The following METTL25 variants were observed in gnomAD, a reference collection of about 807,000 sequenced individuals.
METTL25 encodes methyltransferase like 25.
A neutral mutation model predicts 71.6 loss-of-function variants in METTL25; 64 were observed. The observed-to-expected ratio is 0.89, with a 90% CI of 0.73 to 1.10. METTL25 has a LOEUF of 1.10. Among genes scored for constraint, METTL25 ranks in the 50% least tolerant of loss-of-function variants. The pLI is 0.00. For synonymous variants in METTL25, 287 were observed against 250.3 expected (o/e 1.15, Z -1.38); for missense variants, 807 against 707.0 (o/e 1.14, Z -1.60).
At chr12:82,401,249 T>A (rs554781950) in intron 4 of METTL25, among the ~76,000 whole-genome samples, 1 of 152,172 alleles carries the variant, frequency 6.6e-6, no homozygotes, top group Admixed American at 6.5e-5. Flanking sequence ...TAAAATAATT[T>A]TTAAAAATGT....
At chr12:82,473,888 G>T (rs1441365222) in intron 9 of METTL25, among the ~76,000 whole-genome samples, 2 of 152,152 alleles carry the variant, frequency 1.3e-5, no homozygotes, top group Non-Finnish European at 1.5e-5. Flanking sequence ...GGTTGTGGCA[G>T]TCAGCCACCC....
intron 8 of METTL25, among the ~76,000 whole-genome samples, chr12:82,447,585 TAAGTA>T (rs1432812145): frequency 1.3e-5 from 2 of 149,972 alleles, no homozygotes; most frequent in African/African-American, 4.8e-5. Flanking sequence ...AAGAACAACA[TAAGTA>T]AGGTAAACAC....
chr12:82,455,639 A>G (rs1358489336), intron 8 of METTL25, among the ~76,000 whole-genome samples: 1 of 152,052 alleles, frequency 6.6e-6, no homozygotes, highest in South Asian at 2.1e-4. Flanking sequence ...TGCATGAGCA[A>G]ATGTACCAAG....
At chr12:82,389,228 G>C (rs1470010502) in intron 2 of METTL25, among the ~76,000 whole-genome samples, 2 of 152,094 alleles carry the variant, frequency 1.3e-5, no homozygotes, top group Non-Finnish European at 2.9e-5. Flanking sequence ...CAGTACAGTA[G>C]AAACTAGCCA....
intron 5 of METTL25, among the ~76,000 whole-genome samples, chr12:82,407,317 CT>C (rs1360291021): frequency 1.3e-5 from 2 of 152,086 alleles, no homozygotes; most frequent in Non-Finnish European, 2.9e-5. Context: ...GTTTTGTCTT[CT>C]CTTCTGAAGT....
rs188488076 is a variant in METTL25 at position 82,425,683 on chromosome 12, A to T, written c.1280-5210A>T. Among the ~76,000 whole-genome samples the T allele has an allele frequency of 5.1e-4, 78 of 152,250 alleles. 1 individual carries two copies. The East Asian group carries it at 9.1e-3, about 18-fold the overall frequency. The stretch of plus-strand genomic sequence containing the variant: ...AAAGGATGGGCAAAAAGACCAAAAC[A>T]AAGCGACTAAAGATTTAATGAGTAG... On this transcript the variant is annotated intron_variant, in intron 5 of 11. Transcript: ENST00000248306.
intron 8 of METTL25, among the ~76,000 whole-genome samples, chr12:82,448,331 A>G (rs568603693): frequency 6.6e-5 from 10 of 152,030 alleles, no homozygotes; most frequent in Non-Finnish European, 1.2e-4. Context: ...TAAGGATAAC[A>G]TTTTAACTTT....
intron 1 of METTL25, among the ~76,000 whole-genome samples, chr12:82,373,655 C>T (rs899190975): frequency 1.3e-5 from 2 of 152,162 alleles, no homozygotes; most frequent in African/African-American, 2.4e-5. Flanking sequence ...TTGAGAGTTC[C>T]ACTCATGGCT....
intron 3 of METTL25, among the ~76,000 whole-genome samples, chr12:82,393,192 G>T (rs1353988005): frequency 1.3e-5 from 2 of 151,918 alleles, no homozygotes; most frequent in East Asian, 3.9e-4. Context: ...AATAGGGATT[G>T]CACTGAATCT....
At chr12:82,422,548 C>T (rs1304888779) in intron 5 of METTL25, among the ~76,000 whole-genome samples, 2 of 152,138 alleles carry the variant, frequency 1.3e-5, no homozygotes, top group East Asian at 3.9e-4. Context: ...CTGGCCAGGG[C>T]AATTAGGCAG....
At chr12:82,427,414 C>A (rs907763546) in intron 5 of METTL25, among the ~76,000 whole-genome samples, 13 of 151,784 alleles carry the variant, frequency 8.6e-5, no homozygotes, top group African/African-American at 3.1e-4. Flanking sequence ...TTAGATTTTT[C>A]CTTCTAATAA....
chr12:82,389,139 T>A (rs1019993572), intron 2 of METTL25, among the ~76,000 whole-genome samples: 1 of 152,094 alleles, frequency 6.6e-6, no homozygotes, highest in African/African-American at 2.4e-5. Flanking sequence ...TAATATACTT[T>A]ATAATGTGTA....
At chr12:82,363,832 A>G (rs1592575094) in intron 1 of METTL25, among the ~76,000 whole-genome samples, 1 of 152,068 alleles carries the variant, frequency 6.6e-6, no homozygotes, top group East Asian at 1.9e-4. Flanking sequence ...ATTGAAGGAT[A>G]GTGTGACCCG....
intron 8 of METTL25, among the ~76,000 whole-genome samples, chr12:82,454,766 A>G (rs892452384): frequency 1.3e-5 from 2 of 151,942 alleles, no homozygotes; most frequent in Admixed American, 6.6e-5. Flanking sequence ...TCTCTCTTAC[A>G]CTTACAATGT....
At chr12:82,455,730 A>G (rs1891445279) in intron 8 of METTL25, among the ~76,000 whole-genome samples, 1 of 151,914 alleles carries the variant, frequency 6.6e-6, no homozygotes, top group South Asian at 2.1e-4. Flanking sequence ...GTAATGGGAT[A>G]TGCGGTTGAG....
intron 9 of METTL25, among the ~76,000 whole-genome samples, chr12:82,461,922 T>C (rs140211119): frequency 6.6e-6 from 1 of 152,230 alleles, no homozygotes; most frequent in Non-Finnish European, 1.5e-5. Flanking sequence ...TGATTTCTTA[T>C]ATATTGTCTC....
intron 5 of METTL25, among the ~76,000 whole-genome samples, chr12:82,411,006 A>C (rs1037481288): frequency 6.6e-6 from 1 of 152,128 alleles, no homozygotes; most frequent in African/African-American, 2.4e-5. Flanking sequence ...CCACTAAATC[A>C]TAAGATACAT....
chr12:82,420,900 G>C (rs138659574), intron 5 of METTL25, among the ~76,000 whole-genome samples: 64 of 152,020 alleles, frequency 4.2e-4, no homozygotes, highest in African/African-American at 1.4e-3. Flanking sequence ...CTGTCACCCA[G>C]GCTGGAGTGC....
At chr12:82,388,892 G>C (rs190021368) in intron 2 of METTL25, 2 of 152,144 alleles carry the variant, frequency 1.3e-5, no homozygotes, top group Admixed American at 1.3e-4. Context: ...TTACCAAGAA[G>C]GTGCTACCTT....
Sources: allele counts gnomAD v4.1 joint callset (sites outside exome capture counted in the v4.1 genomes callset), GRCh38; gene constraint gnomAD v4.1.1; transcripts MANE v1.5; gene names NCBI Gene and HGNC (gene_info 2026-07-23, HGNC 2026-07-21).